The following GNAL variants were observed in gnomAD, a reference collection of about 807,000 sequenced individuals.
GNAL encodes the protein G protein subunit alpha L, also known as guanine nucleotide-binding protein G(olf) subunit alpha.
Under a neutral mutation model 55.1 loss-of-function variants are expected in GNAL, and 18 were observed. The observed-to-expected ratio is 0.33, with a 90% CI of 0.23 to 0.48. The LOEUF is 0.48. Among genes scored for constraint, GNAL ranks in the 20% least tolerant of loss-of-function variants. The pLI is 0.99. For synonymous variants in GNAL, 253 were observed against 237.0 expected (o/e 1.07, Z -0.62); for missense variants, 412 against 614.1 (o/e 0.67, Z 3.48).
chr18:11,826,811 G>A (rs28510090), intron 5 of GNAL, among the ~76,000 whole-genome samples: 36,630 of 152,154 alleles, frequency 0.24, 5,093 homozygotes, highest in African/African-American at 0.38. Context: ...TGGAGGCATC[G>A]AGCAGTCAGT....
In GNAL at chr18:11,803,581, A is replaced by G. The variant is rs114614853; in HGVS notation, c.625-21337A>G. ...TTTAAAGAGGACAAGTGCAATTTGA[A>G]TGGAACATGGAGATATTGTGTAGTG... On this transcript the variant is annotated intron_variant, in intron 4 of 11. Transcript: ENST00000334049. 5.3e-3 allele frequency among the ~76,000 whole-genome samples: 809 copies of G among 151,826 alleles called. 14 individuals carry two copies. The highest frequency in any genetic ancestry group is 0.019 in the African/African-American group (766 of 41,066).
chr18:11,872,045 CATTTTGGATTTTGTG>C (rs2036409975), intron 9 of GNAL, among the ~76,000 whole-genome samples: 1 of 152,154 alleles, frequency 6.6e-6, no homozygotes, highest in Admixed American at 6.5e-5. Flanking sequence ...GATTTTGAAG[CATTTTGGATTTTGTG>C]TTTTTGGATT....
intron 1 of GNAL, among the ~76,000 whole-genome samples, chr18:11,713,929 C>A (rs1254945968): frequency 6.6e-6 from 1 of 152,206 alleles, no homozygotes; most frequent in African/African-American, 2.4e-5. Flanking sequence ...CAAGTTCACA[C>A]TGAGGTCTAA....
intron 3 of GNAL, 55 bp from the exon 4 acceptor site, chr18:11,753,771 T>C (rs2032941816): frequency 6.6e-7 from 1 of 1,512,784 alleles, no homozygotes; most frequent in Non-Finnish European, 9.2e-7. Flanking sequence ...TATTGTAGAT[T>C]ATCATACATG....
chr18:11,736,859 G>C (rs2032473940), intron 1 of GNAL, among the ~76,000 whole-genome samples: 1 of 152,196 alleles, frequency 6.6e-6, no homozygotes. Flanking sequence ...AGTTATGTAA[G>C]AGAATCTCAG....
At chr18:11,699,588 A>G (rs541204888) in intron 1 of GNAL, among the ~76,000 whole-genome samples, 23 of 151,980 alleles carry the variant, frequency 1.5e-4, no homozygotes, top group Non-Finnish European at 2.8e-4. Context: ...GCTGAAACCA[A>G]CCCTTTTACT....
rs558688533 is a variant in GNAL at position 11,802,897 on chromosome 18, G to A, written c.625-22021G>A. 1.4e-3 allele frequency among the ~76,000 whole-genome samples: 213 copies of A among 152,270 alleles called. 1 individual carries two copies. The highest frequency in any genetic ancestry group is 4.9e-3 in the African/African-American group (204 of 41,546). ...GTGGCCCAAGGAGGCAGGCTCTCGA[G>A]TTCGAGAGGTACCCGGGCTGTGTGT... On this transcript the variant is annotated intron_variant, in intron 4 of 11. Coordinates refer to ENST00000334049, the MANE Select transcript of GNAL (RefSeq NM_182978.4).
At chr18:11,786,119 C>T (rs938396300) in intron 4 of GNAL, among the ~76,000 whole-genome samples, 1 of 152,152 alleles carries the variant, frequency 6.6e-6, no homozygotes, top group Non-Finnish European at 1.5e-5. Context: ...GTGCTTATTT[C>T]AGCTTATAAT....
intron 1 of GNAL, among the ~76,000 whole-genome samples, chr18:11,737,964 A>G: frequency 6.6e-6 from 1 of 152,190 alleles, no homozygotes; most frequent in East Asian, 1.9e-4. Flanking sequence ...GGCTGTCTGC[A>G]GAGCCAGCCC....
At chr18:11,851,331 T>C (rs375500660) in intron 5 of GNAL, 4 of 768,790 alleles carry the variant, frequency 5.2e-6, no homozygotes, top group Non-Finnish European at 7.8e-6. Context: ...CCCCGGCGCC[T>C]TCCGTCCCGC....
intron 4 of GNAL, among the ~76,000 whole-genome samples, chr18:11,773,810 G>T (rs765508841): frequency 3.9e-5 from 6 of 152,078 alleles, no homozygotes; most frequent in Non-Finnish European, 8.8e-5. Context: ...ATAGTTTTAC[G>T]CATATGATTA....
At chr18:11,768,100 G>A (rs77058319) in intron 4 of GNAL, among the ~76,000 whole-genome samples, 21,049 of 152,030 alleles carry the variant, frequency 0.14, 3,148 homozygotes, top group African/African-American at 0.38. Context: ...AGTATGATGA[G>A]TCATGTAGTT....
At chr18:11,753,349 T>C (rs566410101) in intron 2 of GNAL, among the ~76,000 whole-genome samples, 2 of 152,382 alleles carry the variant, frequency 1.3e-5, no homozygotes, top group East Asian at 3.9e-4. Flanking sequence ...GCAATATCCA[T>C]AGCGATTTTG....
intron 5 of GNAL, among the ~76,000 whole-genome samples, chr18:11,855,824 T>C (rs946607413): frequency 1.3e-4 from 20 of 151,896 alleles, no homozygotes; most frequent in African/African-American, 4.8e-4. Flanking sequence ...AATACAAAAT[T>C]AGCCGGGCAT....
rs1344134474 is a variant in GNAL, at chr18:11,884,634, A to G, written c.*3499A>G. The G allele has an allele frequency of 6.2e-7, 1 of 1,612,690 alleles. No individual in the cohort carries two copies. The highest frequency in any genetic ancestry group is 8.5e-7 in the Non-Finnish European group (1 of 1,179,202). On this transcript the variant is annotated 3_prime_UTR_variant, in exon 12 of 12. Coordinates refer to ENST00000334049, the MANE Select transcript of GNAL (RefSeq NM_182978.4). Reference sequence around the variant, plus strand: ...CTGTGGGCGTGATGCTACCCTGGAAAGGAGAAGGGAAAGTTATGCTGAGAG... The same window carrying G: ...CTGTGGGCGTGATGCTACCCTGGAAGGGAGAAGGGAAAGTTATGCTGAGAG...
At chr18:11,795,435 T>G (rs1217508424) in intron 4 of GNAL, among the ~76,000 whole-genome samples, 2 of 151,848 alleles carry the variant, frequency 1.3e-5, no homozygotes, top group Admixed American at 6.6e-5. Context: ...ACAACATTTG[T>G]ACTATCATTA....
At chr18:11,792,199 T>C (rs1871393948) in intron 4 of GNAL, among the ~76,000 whole-genome samples, 1 of 151,972 alleles carries the variant, frequency 6.6e-6, no homozygotes, top group African/African-American at 2.4e-5. Flanking sequence ...TTCCCTCCCT[T>C]CCTTCCTTCC....
intron 4 of GNAL, among the ~76,000 whole-genome samples, chr18:11,818,601 T>G (rs1469435209): frequency 3.3e-5 from 5 of 152,146 alleles, no homozygotes; most frequent in Non-Finnish European, 5.9e-5. Flanking sequence ...ATAAAGCAAC[T>G]GAAAATGTGG....
chr18:11,876,462 CTT>C (rs2036534812), intron 10 of GNAL, among the ~76,000 whole-genome samples, 157 bp from the exon 11 acceptor site: 1 of 136,092 alleles, frequency 7.3e-6, no homozygotes, highest in African/African-American at 3.0e-5. Flanking sequence ...GACTCCGTCT[CTT>C]AAAAAAAAAA....
Sources: allele counts gnomAD v4.1 joint callset (sites outside exome capture counted in the v4.1 genomes callset), GRCh38; gene constraint gnomAD v4.1.1; transcripts MANE v1.5; gene names NCBI Gene and HGNC (gene_info 2026-07-23, HGNC 2026-07-21).